The following SPATA31H1 variants were observed in gnomAD, a reference collection of about 807,000 sequenced individuals.
SPATA31H1 encodes the protein SPATA31 subfamily H member 1.
At chr2:27,576,070 T>C in the SPATA31H1 span, 1 of 399,728 alleles carries the variant, frequency 2.5e-6, no homozygotes, top group Non-Finnish European at 4.4e-6. Context: ...GGGCCACAGG[T>C]GCAGTATGTG....
the SPATA31H1 span, chr2:27,580,459 G>T: frequency 6.2e-7 from 1 of 1,614,018 alleles, no homozygotes; most frequent in South Asian, 1.1e-5. Flanking sequence ...ATCACCAAGC[G>T]ACTTAGAAAA....
At chr2:27,579,273 A>G in the SPATA31H1 span, 3 of 1,614,170 alleles carry the variant, frequency 1.9e-6, no homozygotes, top group Non-Finnish European at 1.7e-6. Context: ...TATTTTAGGG[A>G]CCACTATGGA....
the SPATA31H1 span, among the ~76,000 whole-genome samples, chr2:27,564,974 CACTACTT>C: frequency 6.6e-6 from 1 of 152,088 alleles, no homozygotes; most frequent in South Asian, 2.1e-4. Flanking sequence ...TAGCATCTCC[CACTACTT>C]AGCAAAAGTG....
the SPATA31H1 span, among the ~76,000 whole-genome samples, chr2:27,563,887 T>A: frequency 6.6e-6 from 1 of 151,784 alleles, no homozygotes; most frequent in Middle Eastern, 3.4e-3. Context: ...TAAAATTATT[T>A]TTTATTTTTT....
the SPATA31H1 span, chr2:27,537,697 G>C: frequency 1.6e-6 from 1 of 628,304 alleles, no homozygotes; most frequent in Non-Finnish European, 2.9e-6. Context: ...CCCATGGATA[G>C]TCTTCCTATA....
chr2:27,568,514 G>A, the SPATA31H1 span: 3 of 398,900 alleles, frequency 7.5e-6, no homozygotes, highest in Non-Finnish European at 1.3e-5. Context: ...ATTTCAGGGA[G>A]ATAATTCCAC....
At chr2:27,561,671 T>C in the SPATA31H1 span, among the ~76,000 whole-genome samples, 1 of 152,198 alleles carries the variant, frequency 6.6e-6, no homozygotes, top group Non-Finnish European at 1.5e-5. Flanking sequence ...GTGATACAAT[T>C]TTATTTTTCT....
the SPATA31H1 span, chr2:27,579,267 T>A: frequency 6.1e-5 from 98 of 1,614,058 alleles, no homozygotes; most frequent in Admixed American, 1.3e-4. Flanking sequence ...GGGGAATATT[T>A]TAGGGACCAC....
chr2:27,565,463 A>G, the SPATA31H1 span: 1 of 709,978 alleles, frequency 1.4e-6, no homozygotes, highest in Admixed American at 2.1e-5. Flanking sequence ...CTAGCCTTAA[A>G]TAGCAGGTGG....
chr2:27,577,398 G>A, the SPATA31H1 span: 3 of 1,613,974 alleles, frequency 1.9e-6, no homozygotes, highest in Non-Finnish European at 1.7e-6. The surrounding 1 kb of genome is among the most constrained non-coding windows in gnomAD (Gnocchi z 4.5). Context: ...CTTTACAGAA[G>A]CTATGGGGTT....
chr2:27,552,644 G>A, the SPATA31H1 span, among the ~76,000 whole-genome samples: 1 of 151,776 alleles, frequency 6.6e-6, no homozygotes, highest in Non-Finnish European at 1.5e-5. Context: ...ATTTTGATAG[G>A]GATTATACTG....
chr2:27,579,647 TG>T, the SPATA31H1 span: 1 of 1,614,214 alleles, frequency 6.2e-7, no homozygotes, highest in East Asian at 2.2e-5. Context: ...GCCAGCTTCC[TG>T]TCCTGGTAAA....
the SPATA31H1 span, among the ~76,000 whole-genome samples, chr2:27,562,093 G>A: frequency 3.9e-5 from 6 of 152,040 alleles, no homozygotes; most frequent in Admixed American, 6.6e-5. Context: ...GCTTGTCTCC[G>A]AGCTCTCTAT....
chr2:27,581,245 G>T, the SPATA31H1 span: 2 of 1,614,156 alleles, frequency 1.2e-6, no homozygotes, highest in Non-Finnish European at 8.5e-7. Context: ...GAGAGAACCC[G>T]TCATAACCCC....
chr2:27,578,751 G>T, the SPATA31H1 span: 10 of 1,614,118 alleles, frequency 6.2e-6, no homozygotes, highest in Non-Finnish European at 7.6e-6. Context: ...AGTAGGGACT[G>T]ACTTCTCTAG....
At chr2:27,555,301 CTATGAATAGTTTGCTTTTCTTTGACTGA>C in the SPATA31H1 span, among the ~76,000 whole-genome samples, 2 of 152,054 alleles carry the variant, frequency 1.3e-5, no homozygotes, top group East Asian at 3.9e-4. Flanking sequence ...ATTAGGCATA[CTATGAATAGTTTGCTTTTCTTTGACTGA>C]AAATTTCTCT....
the SPATA31H1 span, chr2:27,574,672 ATGT>A: frequency 5.0e-6 from 2 of 398,400 alleles, no homozygotes; most frequent in African/African-American, 4.1e-5. Flanking sequence ...AACCATCAAG[ATGT>A]TAAATCTGTA....
chr2:27,564,581 C>T, the SPATA31H1 span, among the ~76,000 whole-genome samples: 2 of 152,082 alleles, frequency 1.3e-5, no homozygotes, highest in East Asian at 3.8e-4. Context: ...CTTTGGGAGG[C>T]CGAGGTGGGC....
the SPATA31H1 span, chr2:27,572,854 T>C: frequency 2.5e-6 from 1 of 395,744 alleles, no homozygotes; most frequent in Non-Finnish European, 4.4e-6. Flanking sequence ...GAGTTTAACC[T>C]TGGGTCACAG....
Sources: allele counts gnomAD v4.1 joint callset (sites outside exome capture counted in the v4.1 genomes callset), GRCh38; gene constraint gnomAD v4.1.1; non-coding constraint Gnocchi (gnomAD v3.1); transcripts MANE v1.5; gene names NCBI Gene and HGNC (gene_info 2026-07-23, HGNC 2026-07-21).